ADGRV1: variants seen among roughly 807,000 people sequenced by gnomAD.
The protein encoded by ADGRV1 is G-protein coupled receptor 98.
Under a neutral mutation model 596.2 loss-of-function variants are expected in ADGRV1, and 359 were observed. The ratio of observed to expected loss-of-function variants is 0.60; its 90% CI spans 0.55 to 0.66. ADGRV1 has a LOEUF of 0.66. Among genes scored for constraint, ADGRV1 ranks in the 30% least tolerant of loss-of-function variants. The probability of loss-of-function intolerance (pLI) is 0.00; values close to 1 mark genes in which losing one functional copy is unlikely to be tolerated. For missense variants in ADGRV1, 7,274 were observed against 7,575.6 expected (o/e 0.96, Z 1.48); for synonymous variants, 2,681 against 2,679.2 (o/e 1.00, Z -0.02).
intron 39 of ADGRV1, among the ~76,000 whole-genome samples, chr5:90,709,262 G>T (rs1749018240): frequency 6.6e-6 from 1 of 151,894 alleles, no homozygotes; most frequent in African/African-American, 2.4e-5. Context: ...TTTCTTTTAG[G>T]TTAAGCAGTG....
intron 57 of ADGRV1, among the ~76,000 whole-genome samples, chr5:90,757,804 G>GC (rs774928913): frequency 6.6e-6 from 1 of 152,178 alleles, no homozygotes; most frequent in East Asian, 1.9e-4. Context: ...ATCAGTAAGT[G>GC]GAAAAGGCAT....
At chr5:90,790,207 A>G (rs1759912322) in intron 69 of ADGRV1, among the ~76,000 whole-genome samples, 1 of 152,098 alleles carries the variant, frequency 6.6e-6, no homozygotes, top group Non-Finnish European at 1.5e-5. Context: ...TCTCATTAGA[A>G]TTTTTCCATT....
chr5:90,958,649 C>G (rs1415729798), intron 83 of ADGRV1, among the ~76,000 whole-genome samples: 1 of 152,110 alleles, frequency 6.6e-6, no homozygotes, highest in African/African-American at 2.4e-5. Context: ...GCCATCATCT[C>G]CCTTTGTCTT....
chr5:90,759,682 T>G, intron 58 of ADGRV1, 94 bp downstream of exon 58: 1 of 1,147,870 alleles, frequency 8.7e-7, no homozygotes, highest in Admixed American at 2.0e-5. Flanking sequence ...TTTGGAAGTC[T>G]TGGCCAGGCA....
At chr5:90,815,543 TG>T in intron 74 of ADGRV1, 75 bp from the exon 75 acceptor site, 1 of 776,614 alleles carries the variant, frequency 1.3e-6, no homozygotes, top group Non-Finnish European at 2.2e-6. Flanking sequence ...CCATCTGAGC[TG>T]GCAAGATTAG....
intron 88 of ADGRV1, among the ~76,000 whole-genome samples, chr5:91,150,707 A>G (rs1795979118): frequency 6.6e-6 from 1 of 152,218 alleles, no homozygotes; most frequent in African/African-American, 2.4e-5. Flanking sequence ...CCTCTTTTCA[A>G]TTTACATACC....
chr5:91,019,339 A>T (rs1324210287), intron 85 of ADGRV1, among the ~76,000 whole-genome samples: 1 of 152,044 alleles, frequency 6.6e-6, no homozygotes, highest in African/African-American at 2.4e-5. Flanking sequence ...GGAAAGTAGC[A>T]GTGGGCTTTT....
intron 50 of ADGRV1, among the ~76,000 whole-genome samples, chr5:90,740,122 C>A (rs1466982073): frequency 1.3e-5 from 2 of 152,194 alleles, no homozygotes; most frequent in Non-Finnish European, 2.9e-5. Context: ...AGTCACAGCT[C>A]TGCAGCTGGG....
At position 90,635,118 on chromosome 5, in the gene ADGRV1, A is replaced by T; in HGVS notation, c.1844A>T (p.Glu615Val). Residue 615 changes from glutamate to valine, a missense_variant, in exon 10 of 90, where the codon GAA (glutamate) becomes GTA (valine). Glu to Val is a moderately radical substitution (Grantham distance 121). Transcript: ENST00000405460. ...QNGAHFLVQLETVELLNIIPL... is the reference protein window; with the variant it reads ...QNGAHFLVQLVTVELLNIIPL... ...TTGTGTATTTGTTTATTATAGTTGG[A>T]AACTGTGGAGTTGTTAAACATAATT... The T allele has an allele frequency of 6.3e-7, 1 of 1,579,960 alleles. No individual in the cohort carries two copies. Among genetic ancestry groups the T allele is most frequent in the Non-Finnish European group, 8.7e-7 (1 of 1,152,184 alleles).
intron 85 of ADGRV1, among the ~76,000 whole-genome samples, chr5:91,057,194 A>G (rs1786961741): frequency 6.6e-6 from 1 of 152,244 alleles, no homozygotes. Context: ...TACCTTCCCA[A>G]ATGGGATGGA....
chr5:90,721,792 G>A (rs1405162474), intron 45 of ADGRV1, among the ~76,000 whole-genome samples: 1 of 151,846 alleles, frequency 6.6e-6, no homozygotes, highest in Non-Finnish European at 1.5e-5. Context: ...TTTGAGCTAA[G>A]ACTGAATGAT....
chr5:90,558,912 G>T lies in ADGRV1; in HGVS notation c.17G>T (p.Gly6Val). The part of the protein sequence containing the change: MSVFL[G>V]PGMPSASLLV... ...AGCGCGCGGATGTCGGTGTTCCTGG[G>T]GCCAGGTAGGCTATGGCTGAGGGGT... Residue 6 changes from glycine (G) to valine (V), a missense_variant, in exon 1 of 90, where the codon GGG becomes GTG. Physicochemically the swap from Gly to Val is moderately radical, Grantham distance 109. This residue lies in a region of ADGRV1 where 1,715 missense variants were observed against 1,708.8 expected (regional missense o/e 1.00). Coordinates refer to ENST00000405460, the MANE Select transcript of ADGRV1 (RefSeq NM_032119.4). 6.4e-7 allele frequency: 1 copy of T among 1,558,390 alleles called. No homozygotes were observed. Among genetic ancestry groups the T allele is most frequent in the South Asian group, 1.2e-5 (1 of 84,796 alleles).
At chr5:90,592,467 G>A (rs1227457775) in intron 1 of ADGRV1, among the ~76,000 whole-genome samples, 1 of 152,226 alleles carries the variant, frequency 6.6e-6, no homozygotes, top group Non-Finnish European at 1.5e-5. Context: ...TGGTAGGAGG[G>A]TGAGGGATAA....
In ADGRV1 at chr5:90,928,726, C is replaced by T. The variant is rs374031542; in HGVS notation, c.17857-36689C>T. 1.8e-3 allele frequency among the ~76,000 whole-genome samples: 275 copies of T among 150,328 alleles called. 3 individuals are homozygous for T. Among genetic ancestry groups the T allele is most frequent in the African/African-American group, 6.3e-3 (255 of 40,302 alleles). Reference sequence around the variant, plus strand: ...AGGCGCTCTGCTTTTTAGAGTTTCCCGTTTTTCTGTTCTGTTTTTTCCCCA... The same window carrying T: ...AGGCGCTCTGCTTTTTAGAGTTTCCTGTTTTTCTGTTCTGTTTTTTCCCCA... On this transcript the variant is annotated intron_variant, in intron 83 of 89. Coordinates refer to ENST00000405460, the MANE Select transcript of ADGRV1 (RefSeq NM_032119.4).
At chr5:90,942,573 C>T (rs886674219) in intron 83 of ADGRV1, among the ~76,000 whole-genome samples, 6 of 152,188 alleles carry the variant, frequency 3.9e-5, no homozygotes, top group African/African-American at 1.2e-4. Flanking sequence ...GGATTAAAAA[C>T]CCAAATGCCT....
intron 84 of ADGRV1, among the ~76,000 whole-genome samples, chr5:90,967,509 T>A (rs917312731): frequency 1.3e-5 from 2 of 152,218 alleles, no homozygotes; most frequent in Non-Finnish European, 2.9e-5. Flanking sequence ...TAAACTTTTT[T>A]AAATGTGCCC....
intron 10 of ADGRV1, among the ~76,000 whole-genome samples, chr5:90,635,885 G>A (rs926052730): frequency 4.6e-5 from 7 of 150,642 alleles, no homozygotes; most frequent in Admixed American, 4.6e-4. Context: ...ATGAGGCATT[G>A]TGCCTGGCCT....
In ADGRV1 at chr5:90,647,853, T is replaced by C. The variant is rs115380934; in HGVS notation, c.3289+89T>C. 1,184 of 1,131,456 alleles carry C rather than the reference T, an allele frequency of 1.0e-3. 7 individuals carry two copies. The African/African-American group carries it at 0.017, about 16-fold the overall frequency. 70.1% of individuals were successfully genotyped at this position (1,131,456 alleles called of 1,614,324 possible). ...ACTGCAGTCCAATAATGAGGACAAG[T>C]AGGGCCTAACTACATTTGTACTATT... On this transcript the variant is annotated intron_variant, in intron 17 of 89. Coordinates refer to ENST00000405460, the MANE Select transcript of ADGRV1 (RefSeq NM_032119.4).
chr5:91,119,533 C>T (rs1351874791), intron 87 of ADGRV1, among the ~76,000 whole-genome samples: 2 of 152,172 alleles, frequency 1.3e-5, no homozygotes, highest in Non-Finnish European at 2.9e-5. Context: ...AAAAGCTAGC[C>T]TCTGCTATTT....
Sources: gnomAD v4.1 joint callset for allele counts (sites outside exome capture counted in the v4.1 genomes callset) on GRCh38, gnomAD v4.1.1 for gene constraint, gnomAD v4.1.1 regional missense constraint, MANE v1.5 for transcripts, NCBI Gene and HGNC (gene_info 2026-07-23, HGNC 2026-07-21) for gene names.